The following CCDC144A variants were observed in gnomAD, a reference collection of about 807,000 sequenced individuals.
CCDC144A encodes the protein coiled-coil domain containing 144A, also known as coiled-coil domain-containing protein 144A.
CCDC144A carries 41 observed loss-of-function variants against 143.8 expected under a neutral mutation model. The observed-to-expected ratio is 0.29, with a 90% CI of 0.22 to 0.37. The LOEUF is 0.37. Among genes scored for constraint, CCDC144A ranks in the 10% least tolerant of loss-of-function variants. The pLI is 1.00. For missense variants in CCDC144A, 637 were observed against 1,488.8 expected, an observed-to-expected ratio of 0.43 and a Z score of 9.41; for synonymous variants, 242 against 517.9, an observed-to-expected ratio of 0.47 and a Z score of 7.23.
intron 3 of CCDC144A, chr17:16,705,746 A>G (rs1912012827): frequency 3.6e-6 from 1 of 276,568 alleles, no homozygotes; most frequent in Admixed American, 5.1e-5. Flanking sequence ...TCTTTGCTTT[A>G]TTTTTACAGC....
At chr17:16,717,543 TGGA>T (rs781503719) in intron 6 of CCDC144A, among the ~76,000 whole-genome samples, 30 of 152,188 alleles carry the variant, frequency 2.0e-4, no homozygotes, top group Non-Finnish European at 3.2e-4. Context: ...ATTCTCCAAG[TGGA>T]GTAGTTTTCT....
At chr17:16,757,655 A>G (rs999368938) in intron 12 of CCDC144A, among the ~76,000 whole-genome samples, 1 of 152,244 alleles carries the variant, frequency 6.6e-6, no homozygotes, top group Non-Finnish European at 1.5e-5. Flanking sequence ...AGGCTCCTGC[A>G]TGGTACACTT....
chr17:16,686,007 C>T (rs1910764604), upstream of CCDC144A, among the ~76,000 whole-genome samples: 1 of 149,754 alleles, frequency 6.7e-6, no homozygotes, highest in African/African-American at 2.5e-5. Context: ...GTCTCGAACT[C>T]CTGACCTCAG....
chr17:16,697,263 A>C (rs1911470865), intron 2 of CCDC144A, among the ~76,000 whole-genome samples: 1 of 152,046 alleles, frequency 6.6e-6, no homozygotes, highest in African/African-American at 2.4e-5. Context: ...ATTGGCAAGC[A>C]TTTTCTGTAC....
chr17:16,738,493 A>C (rs2260634), intron 12 of CCDC144A, among the ~76,000 whole-genome samples: 13,638 of 147,588 alleles, frequency 0.092, 820 homozygotes, highest in Non-Finnish European at 0.13. Flanking sequence ...TTTTGTTTCC[A>C]TAGATTAGCC....
the CCDC144A span, among the ~76,000 whole-genome samples, chr17:16,677,814 G>GA: frequency 7.0e-3 from 886 of 125,730 alleles, 5 homozygotes; most frequent in African/African-American, 0.017. Context: ...CTCAAAAAAA[G>GA]AAAAAAAAAA....
In CCDC144A at chr17:16,776,086, T is replaced by C. The variant is rs2656480; in HGVS notation, c.*2453T>C. 2.0e-5 allele frequency: 3 copies of C among 152,312 alleles called. No homozygotes were observed. Among genetic ancestry groups the C allele is most frequent in the African/African-American group, 4.8e-5 (2 of 41,470 alleles). 9.4% of individuals were successfully genotyped at this position (152,312 alleles called of 1,614,324 possible). On this transcript the variant is annotated 3_prime_UTR_variant, in exon 17 of 17. Coordinates refer to ENST00000399273, the MANE Select transcript of CCDC144A (RefSeq NM_001382000.1). ...TATGTGTCGGTTCTTGTACCAGCACTATGCTGTTTTGGTTACTGTAGTCTT... is the reference window on the plus strand; with the variant it reads ...TATGTGTCGGTTCTTGTACCAGCACCATGCTGTTTTGGTTACTGTAGTCTT...
the CCDC144A span, among the ~76,000 whole-genome samples, chr17:16,667,558 C>T: frequency 6.6e-6 from 1 of 152,274 alleles, no homozygotes; most frequent in African/African-American, 2.4e-5. Flanking sequence ...GGCAGAATCC[C>T]GGGGCTGCTT....
At chr17:16,696,916 A>T (rs4792765) in intron 2 of CCDC144A, among the ~76,000 whole-genome samples, 1 of 150,068 alleles carries the variant, frequency 6.7e-6, no homozygotes, top group Admixed American at 6.6e-5. Flanking sequence ...TTCTTTACAT[A>T]TTTCTTTTAG....
chr17:16,743,093 A>T (rs1234391263), intron 12 of CCDC144A, among the ~76,000 whole-genome samples: 1 of 152,064 alleles, frequency 6.6e-6, no homozygotes, highest in Non-Finnish European at 1.5e-5. Flanking sequence ...TTACTTGTGT[A>T]TTTTTGTTTT....
intron 12 of CCDC144A, among the ~76,000 whole-genome samples, chr17:16,748,034 T>G (rs1312451121): frequency 6.6e-6 from 1 of 152,138 alleles, no homozygotes; most frequent in African/African-American, 2.4e-5. Context: ...TTTTTGTTCT[T>G]TTTTCTTTAA....
In CCDC144A at chr17:16,725,002, A is replaced by ATTTT. The variant is rs1167527388; in HGVS notation, c.1892-2496_1892-2493dup. ...AGGAAATGACTGTTTATAGCTGGTA[A>ATTTT]TTTTTTTTTTTTTTTTTTTTTTTTT... is the stretch of plus-strand genomic sequence containing the variant. On this transcript the variant is annotated intron_variant, in intron 8 of 16. Transcript: ENST00000399273. Among the ~76,000 whole-genome samples the ATTTT allele has an allele frequency of 5.3e-3, 196 of 37,284 alleles. 6 individuals are homozygous for ATTTT. The highest frequency in any genetic ancestry group is 8.2e-3 in the East Asian group (7 of 858). 24.5% of individuals were successfully genotyped at this position (37,284 alleles called of 152,430 possible).
chr17:16,749,844 C>T (rs547508234), intron 12 of CCDC144A, among the ~76,000 whole-genome samples: 15 of 152,252 alleles, frequency 9.9e-5, no homozygotes, highest in African/African-American at 3.4e-4. Flanking sequence ...TTGTGTAATG[C>T]CCTTCTTCAT....
At chr17:16,689,963 C>G (rs1299206852), upstream of CCDC144A, 1 of 154,694 alleles carries the variant, frequency 6.5e-6, no homozygotes, top group Admixed American at 6.5e-5. Context: ...GCACCGCCAC[C>G]CCGAAACCTC....
At chr17:16,729,766 T>C (rs1913628411) in intron 9 of CCDC144A, among the ~76,000 whole-genome samples, 1 of 150,996 alleles carries the variant, frequency 6.6e-6, no homozygotes, top group Admixed American at 6.6e-5. Context: ...TTGGTCAGGC[T>C]GGTCTTGAAC....
chr17:16,697,144 C>T (rs1313687262), intron 2 of CCDC144A, among the ~76,000 whole-genome samples: 2 of 151,958 alleles, frequency 1.3e-5, no homozygotes, highest in Non-Finnish European at 2.9e-5. Context: ...AACAGGGAAT[C>T]GCTATTGGGT....
At chr17:16,707,925 G>A (rs1346411058) in intron 4 of CCDC144A, among the ~76,000 whole-genome samples, 1 of 152,084 alleles carries the variant, frequency 6.6e-6, no homozygotes, top group Non-Finnish European at 1.5e-5. Flanking sequence ...GAGTAATCAT[G>A]GCCAGTGGCT....
intron 8 of CCDC144A, among the ~76,000 whole-genome samples, chr17:16,722,010 T>C (rs1159915230): frequency 1.3e-5 from 2 of 152,212 alleles, no homozygotes; most frequent in Admixed American, 1.3e-4. Flanking sequence ...CATTCCTGTA[T>C]TGTTCCCGAT....
chr17:16,688,907 A>T (rs533740891), upstream of CCDC144A, among the ~76,000 whole-genome samples: 1 of 152,092 alleles, frequency 6.6e-6, no homozygotes. Context: ...AGAGAGAGGG[A>T]TTTGAGACTG....
Sources: allele counts gnomAD v4.1 joint callset (sites outside exome capture counted in the v4.1 genomes callset), GRCh38; gene constraint gnomAD v4.1.1; transcripts MANE v1.5; gene names NCBI Gene and HGNC (gene_info 2026-07-23, HGNC 2026-07-21).